ADCY2: variants seen among roughly 807,000 people sequenced by gnomAD.
The protein encoded by ADCY2 is adenylate cyclase 2.
In ADCY2, 31 loss-of-function variants were observed where a neutral mutation model predicts 125.2. The observed-to-expected ratio is 0.25, with a 90% CI of 0.19 to 0.33. The LOEUF (loss-of-function observed/expected upper bound fraction) is 0.33, where lower values mean the gene tolerates loss of function less well. Ranked by LOEUF, ADCY2 falls within the 10% of genes least tolerant of loss-of-function variation. The pLI is 1.00. For missense variants in ADCY2, 904 were observed against 1,418.2 expected (o/e 0.64, Z 5.82); for synonymous variants, 512 against 548.4 (o/e 0.93, Z 0.93).
intron 22 of ADCY2, among the ~76,000 whole-genome samples, chr5:7,814,352 G>A (rs1048676769): frequency 6.6e-6 from 1 of 151,236 alleles, no homozygotes; most frequent in Non-Finnish European, 1.5e-5. Context: ...CCCGCCCCCC[G>A]GAGCATTGTT....
chr5:7,571,331 G>A (rs913559393), intron 3 of ADCY2, among the ~76,000 whole-genome samples: 1 of 152,228 alleles, frequency 6.6e-6, no homozygotes, highest in East Asian at 1.9e-4. Flanking sequence ...GTGTCCAAAA[G>A]CCTGAGAAGG....
intron 15 of ADCY2, among the ~76,000 whole-genome samples, chr5:7,751,774 A>G (rs193009839): frequency 6.6e-6 from 1 of 152,202 alleles, no homozygotes; most frequent in East Asian, 1.9e-4. Flanking sequence ...TCTTTTCCCT[A>G]TGGGTGTTAA....
At chr5:7,457,640 G>A (rs1260751853) in intron 2 of ADCY2, among the ~76,000 whole-genome samples, 5 of 152,198 alleles carry the variant, frequency 3.3e-5, no homozygotes, top group Non-Finnish European at 5.9e-5. Context: ...GGTGCAGGGA[G>A]GGGATAACGT....
intron 2 of ADCY2, among the ~76,000 whole-genome samples, chr5:7,504,185 A>C (rs914924670): frequency 6.6e-6 from 1 of 152,194 alleles, no homozygotes; most frequent in African/African-American, 2.4e-5. Context: ...GTATGGGTTA[A>C]ATGTGTGCTC....
At chr5:7,696,108 T>TGTATATGTA (rs1740883248) in intron 6 of ADCY2, among the ~76,000 whole-genome samples, 1 of 152,244 alleles carries the variant, frequency 6.6e-6, no homozygotes, top group African/African-American at 2.4e-5. Flanking sequence ...CTATGTATAA[T>TGTATATGTA]TCAGCACACA....
At chr5:7,761,034 A>G (rs910003036) in intron 16 of ADCY2, among the ~76,000 whole-genome samples, 1 of 150,960 alleles carries the variant, frequency 6.6e-6, no homozygotes, top group African/African-American at 2.4e-5. Context: ...ACTTAGCATA[A>G]TGTTCTGCAT....
At chr5:7,756,390 A>G (rs140423248) in intron 15 of ADCY2, among the ~76,000 whole-genome samples, 85 of 152,282 alleles carry the variant, frequency 5.6e-4, no homozygotes, top group African/African-American at 2.0e-3. Context: ...CAACCCCGAT[A>G]TGTATAGCCG....
At chr5:7,513,903 C>T (rs1184356482) in intron 2 of ADCY2, among the ~76,000 whole-genome samples, 2 of 152,156 alleles carry the variant, frequency 1.3e-5, no homozygotes, top group East Asian at 1.9e-4. Flanking sequence ...ATTATGTTCA[C>T]TGAGATGTTA....
intron 4 of ADCY2, among the ~76,000 whole-genome samples, chr5:7,648,157 TC>T (rs2126679716): frequency 6.6e-6 from 1 of 152,358 alleles, no homozygotes; most frequent in African/African-American, 2.4e-5. Flanking sequence ...GCCTTTTTTT[TC>T]TTTTCAGTTT....
At chr5:7,505,544 A>G (rs1445571767) in intron 2 of ADCY2, among the ~76,000 whole-genome samples, 1 of 152,228 alleles carries the variant, frequency 6.6e-6, no homozygotes, top group Non-Finnish European at 1.5e-5. Context: ...CTGTGCAGGA[A>G]GATGTTATGT....
At chr5:7,415,676 A>C (rs1554006825) in intron 2 of ADCY2, among the ~76,000 whole-genome samples, 1 of 152,036 alleles carries the variant, frequency 6.6e-6, no homozygotes, top group Non-Finnish European at 1.5e-5. Flanking sequence ...ACATTCATTC[A>C]TTTTGCACCT....
Position 7,804,651 on chromosome 5 carries a change from G to A in ADCY2, c.2842G>A (p.Ala948Thr). The A allele has an allele frequency of 1.9e-6, 3 of 1,614,188 alleles. No individual in the cohort carries two copies. Among genetic ancestry groups the A allele is most frequent in the Non-Finnish European group, 2.5e-6 (3 of 1,180,016 alleles). Reference protein sequence around the residue: ...IKTIGSTYMAATGLSAVPSQE... With the variant: ...IKTIGSTYMATTGLSAVPSQE... ...GACCATTGGCAGCACATACATGGCA[G>A]CAACAGGTCTGAGCGCTGTGCCCAG... Residue 948 changes from alanine (A) to threonine (T), a missense_variant, in exon 22 of 25, where the codon GCA (alanine) becomes ACA (threonine). Physicochemically the swap from Ala to Thr is moderately conservative, Grantham distance 58. Transcript: ENST00000338316.
chr5:7,707,607 T>G (rs999643519), intron 8 of ADCY2, 99 bp from the exon 9 acceptor site: 2 of 1,438,540 alleles, frequency 1.4e-6, no homozygotes, highest in Admixed American at 3.9e-5. Flanking sequence ...TCCTAAGAAC[T>G]TTAGTGGATA....
chr5:7,490,730 G>T (rs941028786), intron 2 of ADCY2, among the ~76,000 whole-genome samples: 2 of 152,192 alleles, frequency 1.3e-5, no homozygotes, highest in Middle Eastern at 3.4e-3. Context: ...TTGCCTGACA[G>T]ATGGTTAAGT....
intron 16 of ADCY2, among the ~76,000 whole-genome samples, chr5:7,759,833 C>T (rs1743137040): frequency 6.6e-6 from 1 of 151,536 alleles, no homozygotes; most frequent in Non-Finnish European, 1.5e-5. Context: ...TGGAGACCTG[C>T]TCCATTCATC....
intron 16 of ADCY2, among the ~76,000 whole-genome samples, chr5:7,761,148 C>CTTTTCT (rs747191915): frequency 4.5e-5 from 4 of 88,162 alleles, no homozygotes; most frequent in African/African-American, 1.9e-4. Flanking sequence ...CTTTTCTTTT[C>CTTTTCT]TTTTTTTTTT....
chr5:7,685,663 A>C (rs1025298), intron 4 of ADCY2, among the ~76,000 whole-genome samples: 62,706 of 152,048 alleles, frequency 0.41, 13,626 homozygotes, highest in East Asian at 0.83. Context: ...CAACAGTAGC[A>C]GTTGTTGGGA....
chr5:7,695,318 A>G (rs1036489740), intron 5 of ADCY2, among the ~76,000 whole-genome samples: 7 of 152,112 alleles, frequency 4.6e-5, no homozygotes, highest in African/African-American at 1.7e-4. Context: ...AGCCCTTTTT[A>G]TGATTTGTAA....
At chr5:7,432,900 A>ATGTACTGCTTATTGTACATGT (rs11271369) in intron 2 of ADCY2, among the ~76,000 whole-genome samples, 121,854 of 151,460 alleles carry the variant, frequency 0.8, 49,555 homozygotes, top group African/African-American at 0.88. Flanking sequence ...CAATTTCAAC[A>ATGTACTGCTTATTGTACATGT]TGTACTGCTT....
Sources: allele counts gnomAD v4.1 joint callset (sites outside exome capture counted in the v4.1 genomes callset), GRCh38; gene constraint gnomAD v4.1.1; transcripts MANE v1.5; gene names NCBI Gene and HGNC (gene_info 2026-07-23, HGNC 2026-07-21).